The following IL1RAP variants were observed in gnomAD, a reference collection of about 807,000 sequenced individuals.
IL1RAP encodes interleukin 1 receptor accessory protein, also known as interleukin-1 receptor accessory protein.
In IL1RAP, 35 loss-of-function variants were observed where a neutral mutation model predicts 60.7. That is an observed-to-expected ratio of 0.58 (90% CI 0.44 to 0.76). The LOEUF (loss-of-function observed/expected upper bound fraction) is 0.76, where lower values mean the gene tolerates loss of function less well. IL1RAP is among the 30% of genes least tolerant of loss of function. The probability of loss-of-function intolerance (pLI) is 0.00; values close to 1 mark genes in which losing one functional copy is unlikely to be tolerated. For missense variants in IL1RAP, 572 were observed against 693.9 expected (o/e 0.82, Z 1.97); for synonymous variants, 268 against 250.9 (o/e 1.07, Z -0.64).
chr3:190,576,533 A>G (rs1727465266), intron 3 of IL1RAP, among the ~76,000 whole-genome samples: 1 of 152,180 alleles, frequency 6.6e-6, no homozygotes, highest in Admixed American at 6.5e-5. Context: ...CTAAACCAAC[A>G]TGCGATGCCA....
chr3:190,629,008 A>T (rs1371199677), intron 8 of IL1RAP, among the ~76,000 whole-genome samples: 1 of 152,182 alleles, frequency 6.6e-6, no homozygotes, highest in African/African-American at 2.4e-5. Context: ...AAAACCCAAA[A>T]GGACCTGGCC....
chr3:190,617,424 C>T (rs978674932), intron 5 of IL1RAP, among the ~76,000 whole-genome samples: 1 of 152,148 alleles, frequency 6.6e-6, no homozygotes, highest in African/African-American at 2.4e-5. Flanking sequence ...ATGTTGTGGT[C>T]GGTTGCCACA....
At chr3:190,565,086 G>T (rs572472923) in intron 3 of IL1RAP, among the ~76,000 whole-genome samples, 1 of 151,746 alleles carries the variant, frequency 6.6e-6, no homozygotes, top group African/African-American at 2.4e-5. Context: ...ACATAAAACT[G>T]AAATTTGTCT....
At chr3:190,615,199 A>T in intron 5 of IL1RAP, 1 of 470,914 alleles carries the variant, frequency 2.1e-6, no homozygotes, top group Non-Finnish European at 3.6e-6. Context: ...AGGTTTTGTA[A>T]CTAGTCTGGA....
chr3:190,634,575 G>A (rs1733045589), intron 9 of IL1RAP, among the ~76,000 whole-genome samples: 1 of 152,078 alleles, frequency 6.6e-6, no homozygotes, highest in South Asian at 2.1e-4. Flanking sequence ...TGACTAATGT[G>A]AGGGTTATGC....
rs1416499182 is a variant in IL1RAP at position 190,572,869 on chromosome 3, T to TTTTTG, written c.64+8520_64+8521insGTTTT. Reference sequence around the variant, plus strand: ...CAGGGTTAATGCTTTGTTTTTTTTTTTTTTTTTTTTTTGAGACGGAGTCTC... The same window carrying TTTTTG: ...CAGGGTTAATGCTTTGTTTTTTTTTTTTTTGTTTTTTTTTTTTGAGACGGAGTCTC... On this transcript the variant is annotated intron_variant, in intron 3 of 11. Coordinates refer to ENST00000447382, the MANE Select transcript of IL1RAP (RefSeq NM_002182.4). 1.4e-3 allele frequency among the ~76,000 whole-genome samples: 51 copies of TTTTTG among 37,000 alleles called. 14 individuals carry two copies. Among genetic ancestry groups the TTTTTG allele is most frequent in the African/African-American group, 2.8e-3 (26 of 9,144 alleles). 24.3% of individuals were successfully genotyped at this position (37,000 alleles called of 152,430 possible). A position where few individuals can be genotyped will look rare whatever the true frequency, so the allele number is the denominator to read the frequency against.
intron 3 of IL1RAP, among the ~76,000 whole-genome samples, chr3:190,568,405 T>G (rs1468567796): frequency 6.6e-6 from 1 of 152,226 alleles, no homozygotes; most frequent in African/African-American, 2.4e-5. Flanking sequence ...TTCCATACTA[T>G]AATTGCCTTT....
intron 3 of IL1RAP, among the ~76,000 whole-genome samples, chr3:190,598,859 A>G (rs936952928): frequency 2.0e-5 from 3 of 152,194 alleles, no homozygotes. Flanking sequence ...TATTTGGTCG[A>G]GTCAATAATC....
chr3:190,566,825 G>A (rs551385733), intron 3 of IL1RAP, among the ~76,000 whole-genome samples: 26 of 152,248 alleles, frequency 1.7e-4, no homozygotes, highest in African/African-American at 6.0e-4. Context: ...GCATCTTGAG[G>A]GATCAACCAA....
intron 1 of IL1RAP, among the ~76,000 whole-genome samples, chr3:190,521,965 G>A (rs1323345850): frequency 2.0e-5 from 3 of 152,026 alleles, no homozygotes; most frequent in African/African-American, 7.3e-5. Flanking sequence ...CACATTTTCT[G>A]CTTTCTTCTT....
chr3:190,631,511 A>G (rs930949161), intron 9 of IL1RAP, among the ~76,000 whole-genome samples: 7 of 152,146 alleles, frequency 4.6e-5, no homozygotes, highest in Non-Finnish European at 1.0e-4. Flanking sequence ...GTGGTACCAG[A>G]GGAGTTGTGG....
intron 3 of IL1RAP, among the ~76,000 whole-genome samples, chr3:190,589,758 A>T: frequency 6.6e-6 from 1 of 152,226 alleles, no homozygotes; most frequent in East Asian, 1.9e-4. Context: ...AGTCTCTCTG[A>T]GCCCCCAACT....
chr3:190,565,294 G>A (rs1288130802), intron 3 of IL1RAP, among the ~76,000 whole-genome samples: 2 of 152,078 alleles, frequency 1.3e-5, no homozygotes, highest in Non-Finnish European at 2.9e-5. Context: ...AAATTCCCCT[G>A]AACACCATAA....
Position 190,546,021 on chromosome 3 carries a change from A to G in IL1RAP, c.-88-10109A>G, listed in dbSNP as rs879805813. Among the ~76,000 whole-genome samples, 3 of 152,226 alleles carry G rather than the reference A, an allele frequency of 2.0e-5. No homozygotes were observed. The Middle Eastern group carries it at 0.01, about 518-fold the overall frequency. On this transcript the variant is annotated intron_variant, in intron 1 of 11. Coordinates refer to ENST00000447382, the MANE Select transcript of IL1RAP (RefSeq NM_002182.4). ...CCACTGCTTGGGTGATGACCTATCGATGCCTGTAGTCACCTCACACAGAAT... is the reference window on the plus strand; with the variant it reads ...CCACTGCTTGGGTGATGACCTATCGGTGCCTGTAGTCACCTCACACAGAAT...
intron 7 of IL1RAP, among the ~76,000 whole-genome samples, chr3:190,626,309 A>G (rs989091869): frequency 3.3e-5 from 5 of 152,232 alleles, no homozygotes; most frequent in Non-Finnish European, 5.9e-5. Flanking sequence ...ATTAATAAAT[A>G]TAAATATTTA....
exon 12 of IL1RAP, chr3:190,656,531 C>T (rs757692234): frequency 1.3e-6 from 2 of 1,537,322 alleles, no homozygotes; most frequent in Non-Finnish European, 1.7e-6. Context: ...TTGGAACCCC[C>T]TGCTCCCCAG....
At chr3:190,643,153 T>G (rs185493822) in intron 9 of IL1RAP, among the ~76,000 whole-genome samples, 3 of 152,084 alleles carry the variant, frequency 2.0e-5, no homozygotes, top group African/African-American at 4.8e-5. Flanking sequence ...CAAATTACAA[T>G]ATAATAAGTA....
exon 12 of IL1RAP, chr3:190,659,534 AT>A (rs1469119660): frequency 2.6e-5 from 4 of 152,244 alleles, no homozygotes; most frequent in East Asian, 1.9e-4. Flanking sequence ...TAAGAAAGAA[AT>A]TTTTTTCATG....
chr3:190,603,621 G>A (rs181837745), intron 3 of IL1RAP, among the ~76,000 whole-genome samples: 1 of 152,264 alleles, frequency 6.6e-6, no homozygotes, highest in Non-Finnish European at 1.5e-5. Flanking sequence ...AATTTCGTCT[G>A]CTTTGTTTTA....
Sources: allele counts gnomAD v4.1 joint callset (sites outside exome capture counted in the v4.1 genomes callset), GRCh38; gene constraint gnomAD v4.1.1; transcripts MANE v1.5; gene names NCBI Gene and HGNC (gene_info 2026-07-23, HGNC 2026-07-21).